NEGR1: variants seen among roughly 807,000 people sequenced by gnomAD.
The protein encoded by NEGR1 is IgLON family member 4.
In NEGR1, 10 loss-of-function variants were observed where a neutral mutation model predicts 40.9. The ratio of observed to expected loss-of-function variants is 0.24; its 90% CI spans 0.15 to 0.42. The LOEUF (loss-of-function observed/expected upper bound fraction) is 0.42. Ranked by LOEUF, NEGR1 falls within the 10% of genes least tolerant of loss-of-function variation. The probability of loss-of-function intolerance (pLI) is 1.00; values close to 1 mark genes in which losing one functional copy is unlikely to be tolerated. For missense variants in NEGR1, 352 were observed against 438.9 expected, an observed-to-expected ratio of 0.80 and a Z score of 1.77; for synonymous variants, 185 against 166.8, an observed-to-expected ratio of 1.11 and a Z score of -0.84.
chr1:72,220,138 T>A, intron 1 of NEGR1, among the ~76,000 whole-genome samples: 1 of 151,828 alleles, frequency 6.6e-6, no homozygotes, highest in East Asian at 1.9e-4. Context: ...ATGTAACAAC[T>A]CTCTATAGTT....
chr1:71,434,907 C>A (rs190751487), intron 6 of NEGR1, among the ~76,000 whole-genome samples: 5 of 152,094 alleles, frequency 3.3e-5, no homozygotes, highest in African/African-American at 4.8e-5. Context: ...CTGGCTAAAA[C>A]GGTGAAACCC....
intron 1 of NEGR1, among the ~76,000 whole-genome samples, chr1:71,992,216 C>T (rs1376485727): frequency 2.0e-5 from 3 of 152,112 alleles, no homozygotes; most frequent in Admixed American, 1.3e-4. Flanking sequence ...ATTTCATATA[C>T]ATCATATTCA....
At chr1:71,875,810 CT>C (rs1191797923) in intron 2 of NEGR1, among the ~76,000 whole-genome samples, 5 of 152,106 alleles carry the variant, frequency 3.3e-5, no homozygotes, top group African/African-American at 1.2e-4. Flanking sequence ...GGATCCTTCT[CT>C]GGAAAATGAC....
intron 2 of NEGR1, among the ~76,000 whole-genome samples, chr1:71,882,568 A>T (rs904308495): frequency 1.3e-5 from 2 of 152,044 alleles, no homozygotes; most frequent in Non-Finnish European, 2.9e-5. Flanking sequence ...TGCAAACACA[A>T]TGTGTAAAAT....
intron 1 of NEGR1, among the ~76,000 whole-genome samples, chr1:72,026,683 C>T (rs1646813397): frequency 6.6e-6 from 1 of 152,078 alleles, no homozygotes; most frequent in South Asian, 2.1e-4. Context: ...AACTACAAAA[C>T]TGCTAAGTGC....
At chr1:71,769,074 T>TC in intron 3 of NEGR1, among the ~76,000 whole-genome samples, 1 of 150,324 alleles carries the variant, frequency 6.7e-6, no homozygotes, top group South Asian at 2.1e-4. Context: ...CAATAAAACT[T>TC]TTTTTTTTTT....
chr1:71,813,187 G>T (rs991120471), intron 2 of NEGR1, among the ~76,000 whole-genome samples: 18 of 151,998 alleles, frequency 1.2e-4, no homozygotes, highest in African/African-American at 4.3e-4. Flanking sequence ...ATTAAATAGA[G>T]AATCCTTTCC....
intron 1 of NEGR1, among the ~76,000 whole-genome samples, chr1:72,143,259 C>T (rs1650755454): frequency 6.6e-6 from 1 of 151,792 alleles, no homozygotes; most frequent in African/African-American, 2.4e-5. Context: ...TTTATATATG[C>T]CAGCAATTAT....
At chr1:71,856,562 A>G (rs1188015260) in intron 2 of NEGR1, among the ~76,000 whole-genome samples, 98 of 152,090 alleles carry the variant, frequency 6.4e-4, no homozygotes, top group Non-Finnish European at 1.8e-4. Flanking sequence ...TTTTCACCTA[A>G]CAGCTCTTGG....
intron 4 of NEGR1, among the ~76,000 whole-genome samples, chr1:71,662,618 G>T (rs773649360): frequency 1.3e-5 from 2 of 151,776 alleles, no homozygotes; most frequent in Non-Finnish European, 2.9e-5. Flanking sequence ...TGATTTTAAA[G>T]TACTTTGCAT....
intron 6 of NEGR1, among the ~76,000 whole-genome samples, chr1:71,495,331 G>C (rs945706876): frequency 2.0e-5 from 3 of 151,976 alleles, no homozygotes; most frequent in African/African-American, 7.2e-5. Context: ...TACAGAATTA[G>C]CCAGGCATGG....
intron 4 of NEGR1, among the ~76,000 whole-genome samples, chr1:71,680,961 T>G (rs2101610053): frequency 6.6e-6 from 1 of 152,300 alleles, no homozygotes; most frequent in Admixed American, 6.5e-5. Context: ...AATTTCTAGG[T>G]TTCAATATAA....
At chr1:71,667,642 A>G (rs1414213491) in intron 4 of NEGR1, among the ~76,000 whole-genome samples, 1 of 152,216 alleles carries the variant, frequency 6.6e-6, no homozygotes, top group East Asian at 1.9e-4. Context: ...AAGCCAGAAT[A>G]ATGTGTCTCA....
At chr1:71,619,802 T>C (rs371094108) in intron 4 of NEGR1, among the ~76,000 whole-genome samples, 6 of 152,054 alleles carry the variant, frequency 3.9e-5, no homozygotes, top group Non-Finnish European at 8.8e-5. Context: ...ATGAAGATAA[T>C]GAAAGTGTCT....
intron 2 of NEGR1, among the ~76,000 whole-genome samples, chr1:71,875,162 A>G (rs1299976580): frequency 1.3e-5 from 2 of 152,136 alleles, no homozygotes; most frequent in African/African-American, 4.8e-5. Flanking sequence ...TTTCGTTTCT[A>G]TAAAAGTATA....
chr1:71,608,133 C>T (rs529337631), intron 5 of NEGR1, among the ~76,000 whole-genome samples: 18 of 152,210 alleles, frequency 1.2e-4, no homozygotes, highest in South Asian at 4.1e-4. Context: ...AGTTTTGAAA[C>T]GAAATTATTC....
chr1:71,433,447 A>G (rs1646482453), intron 6 of NEGR1, among the ~76,000 whole-genome samples: 1 of 152,212 alleles, frequency 6.6e-6, no homozygotes, highest in Non-Finnish European at 1.5e-5. Context: ...AGCACAGTGT[A>G]TTAGTTCATT....
intron 4 of NEGR1, among the ~76,000 whole-genome samples, chr1:71,681,539 G>A (rs903540004): frequency 6.6e-6 from 1 of 151,836 alleles, no homozygotes; most frequent in African/African-American, 2.4e-5. Flanking sequence ...TTTTTCTTTG[G>A]TTTGCTTCAA....
chr1:71,556,296 T>C (rs1390022635), intron 6 of NEGR1, among the ~76,000 whole-genome samples: 1 of 151,550 alleles, frequency 6.6e-6, no homozygotes, highest in Non-Finnish European at 1.5e-5. Context: ...CTGCCTTACA[T>C]GTCTAAAACA....
Sources: allele counts gnomAD v4.1 joint callset (sites outside exome capture counted in the v4.1 genomes callset), GRCh38; gene constraint gnomAD v4.1.1; transcripts MANE v1.5; gene names NCBI Gene and HGNC (gene_info 2026-07-23, HGNC 2026-07-21).